The following DEPDC1B variants were observed in gnomAD, a reference collection of about 807,000 sequenced individuals.
DEPDC1B encodes the protein DEP domain-containing protein 1B.
DEPDC1B carries 51 observed loss-of-function variants against 66.5 expected under a neutral mutation model. That is an observed-to-expected ratio of 0.77 (90% CI 0.61 to 0.97). The LOEUF (loss-of-function observed/expected upper bound fraction) is 0.97, where lower values mean the gene tolerates loss of function less well. DEPDC1B is among the 50% of genes least tolerant of loss of function. The pLI is 0.00. For missense variants in DEPDC1B, 552 were observed against 637.1 expected, an observed-to-expected ratio of 0.87 and a Z score of 1.44; for synonymous variants, 226 against 223.6, an observed-to-expected ratio of 1.01 and a Z score of -0.10.
In DEPDC1B at chr5:60,639,001, C is replaced by T. The variant is rs1753125929; in HGVS notation, c.758-111G>A. 4 of 1,292,940 alleles carry T rather than the reference C, an allele frequency of 3.1e-6. No homozygotes were observed. The African/African-American group carries it at 4.7e-5, about 15-fold the overall frequency. The allele number at this position is 1,292,940 out of a possible 1,614,324, so 80.1% of individuals were successfully genotyped here. On this transcript the variant is annotated intron_variant, in intron 6 of 10. Coordinates refer to ENST00000265036, the MANE Select transcript of DEPDC1B (RefSeq NM_018369.3). The stretch of plus-strand genomic sequence containing the variant: ...CAGATATTCAGATATTTGACATATA[C>T]AGAAAAGTTTTTATGGGGAAAATTG...
intron 2 of DEPDC1B, among the ~76,000 whole-genome samples, chr5:60,653,903 T>A (rs113481994): frequency 0.013 from 1,934 of 149,142 alleles, 79 homozygotes; most frequent in Non-Finnish European, 0.021. Context: ...TTGTTGAAGA[T>A]CAGTTGGCTG....
At chr5:60,644,656 G>T in intron 5 of DEPDC1B, 89 bp downstream of exon 5, 3 of 1,106,564 alleles carry the variant, frequency 2.7e-6, no homozygotes, top group Non-Finnish European at 3.8e-6. Context: ...ACTTATTCAG[G>T]GTTTAGGGAA....
chr5:60,674,479 G>A (rs1754112766), intron 2 of DEPDC1B, among the ~76,000 whole-genome samples: 1 of 152,072 alleles, frequency 6.6e-6, no homozygotes, highest in African/African-American at 2.4e-5. Context: ...TTGAACCTTG[G>A]GTCCACATAT....
intron 2 of DEPDC1B, among the ~76,000 whole-genome samples, chr5:60,671,651 G>T (rs1319774333): frequency 1.3e-5 from 2 of 152,090 alleles, no homozygotes; most frequent in African/African-American, 4.8e-5. Context: ...TCACTCCATT[G>T]CCTCCTGTTC....
At chr5:60,672,755 T>A (rs1020293007) in intron 2 of DEPDC1B, among the ~76,000 whole-genome samples, 5 of 152,144 alleles carry the variant, frequency 3.3e-5, no homozygotes, top group African/African-American at 1.2e-4. Flanking sequence ...TTGCTTAAGA[T>A]CACATGAATG....
intron 1 of DEPDC1B, among the ~76,000 whole-genome samples, chr5:60,697,309 T>C: frequency 6.6e-6 from 1 of 152,166 alleles, no homozygotes; most frequent in Non-Finnish European, 1.5e-5. Context: ...TTTCTAAAGC[T>C]GTACATGCTT....
At chr5:60,659,225 G>C (rs551797410) in intron 2 of DEPDC1B, among the ~76,000 whole-genome samples, 6 of 152,070 alleles carry the variant, frequency 3.9e-5, no homozygotes, top group Non-Finnish European at 8.8e-5. Context: ...CCCATCTTGA[G>C]AGCGGCCCGT....
At chr5:60,659,266 C>T (rs981522766) in intron 2 of DEPDC1B, among the ~76,000 whole-genome samples, 1 of 152,084 alleles carries the variant, frequency 6.6e-6, no homozygotes, top group Non-Finnish European at 1.5e-5. Context: ...AACAAAGACC[C>T]CCTCCACCCC....
chr5:60,615,550 T>C (rs990365647), intron 7 of DEPDC1B, among the ~76,000 whole-genome samples: 1 of 152,164 alleles, frequency 6.6e-6, no homozygotes, highest in East Asian at 1.9e-4. Flanking sequence ...TGCTCATTGC[T>C]AGCACAGCAG....
intron 6 of DEPDC1B, among the ~76,000 whole-genome samples, chr5:60,642,585 T>G (rs1164671571): frequency 6.6e-6 from 1 of 152,230 alleles, no homozygotes; most frequent in East Asian, 1.9e-4. Flanking sequence ...CTAGTGTGGA[T>G]GGATCTACTA....
At chr5:60,695,859 C>T (rs943431965) in intron 1 of DEPDC1B, among the ~76,000 whole-genome samples, 6 of 152,096 alleles carry the variant, frequency 3.9e-5, no homozygotes, top group Admixed American at 1.3e-4. Context: ...AGTGCAGTGG[C>T]GTGATCTCGG....
chr5:60,699,326 T>C (rs1284595672), intron 1 of DEPDC1B, among the ~76,000 whole-genome samples: 2 of 151,834 alleles, frequency 1.3e-5, no homozygotes, highest in Admixed American at 1.3e-4. Context: ...CAAATTACCA[T>C]TACACTTCCA....
intron 1 of DEPDC1B, among the ~76,000 whole-genome samples, chr5:60,698,757 C>A (rs1317263524): frequency 6.6e-6 from 1 of 151,910 alleles, no homozygotes; most frequent in Non-Finnish European, 1.5e-5. Flanking sequence ...CCTCTGCCTC[C>A]CAGGTTCAAG....
At chr5:60,633,833 G>T (rs1752978450) in intron 7 of DEPDC1B, among the ~76,000 whole-genome samples, 1 of 152,138 alleles carries the variant, frequency 6.6e-6, no homozygotes, top group African/African-American at 2.4e-5. Context: ...AATCCTAATT[G>T]AAAGTAATTT....
intron 1 of DEPDC1B, among the ~76,000 whole-genome samples, chr5:60,699,759 C>T (rs1408784639): frequency 1.3e-5 from 2 of 152,160 alleles, no homozygotes; most frequent in African/African-American, 4.8e-5. Context: ...CAGGGAACAG[C>T]CTGGTCTTGG....
At chr5:60,673,786 G>A (rs1397139697) in intron 2 of DEPDC1B, among the ~76,000 whole-genome samples, 2 of 152,150 alleles carry the variant, frequency 1.3e-5, no homozygotes, top group East Asian at 1.9e-4. Context: ...TTTGTTTCTA[G>A]GTCAATAATA....
chr5:60,655,238 G>A (rs757896337), intron 2 of DEPDC1B, among the ~76,000 whole-genome samples: 4 of 148,972 alleles, frequency 2.7e-5, no homozygotes, highest in Non-Finnish European at 5.9e-5. Flanking sequence ...ATTCAGCTGT[G>A]AATCCTTCTG....
intron 7 of DEPDC1B, among the ~76,000 whole-genome samples, chr5:60,636,486 T>C (rs1037685389): frequency 5.3e-5 from 8 of 152,208 alleles, no homozygotes; most frequent in Non-Finnish European, 1.2e-4. Context: ...AGTAGACTTA[T>C]TATTTACTTT....
chr5:60,635,756 G>T (rs548300625), intron 7 of DEPDC1B, among the ~76,000 whole-genome samples: 7 of 152,176 alleles, frequency 4.6e-5, no homozygotes, highest in African/African-American at 1.7e-4. Flanking sequence ...TCAAGCCCAG[G>T]GCTGCCAGAT....
Sources: gnomAD v4.1 joint callset for allele counts (sites outside exome capture counted in the v4.1 genomes callset) on GRCh38, gnomAD v4.1.1 for gene constraint, MANE v1.5 for transcripts, NCBI Gene and HGNC (gene_info 2026-07-23, HGNC 2026-07-21) for gene names.